The following NRG1 variants were observed in gnomAD, a reference collection of about 807,000 sequenced individuals.
The protein encoded by NRG1 is neuregulin 1.
NRG1 carries 18 observed loss-of-function variants against 63.8 expected under a neutral mutation model. The observed-to-expected ratio is 0.28, with a 90% CI of 0.19 to 0.42. NRG1 has a LOEUF of 0.42. Ranked by LOEUF, NRG1 falls within the 10% of genes least tolerant of loss-of-function variation. The probability of loss-of-function intolerance (pLI) is 1.00; values close to 1 mark genes in which losing one functional copy is unlikely to be tolerated. For missense variants in NRG1, 762 were observed against 814.7 expected (o/e 0.94, Z 0.79); for synonymous variants, 302 against 301.3 (o/e 1.00, Z -0.02).
At chr8:32,641,733 A>G (rs1235490459) in intron 5 of NRG1, among the ~76,000 whole-genome samples, 1 of 152,208 alleles carries the variant, frequency 6.6e-6, no homozygotes, top group African/African-American at 2.4e-5. Context: ...AGCATCTCAC[A>G]AAGTAATGCT....
intron 1 of NRG1, among the ~76,000 whole-genome samples, chr8:32,242,999 G>A (rs1027518823): frequency 2.6e-5 from 4 of 152,084 alleles, no homozygotes; most frequent in Admixed American, 1.3e-4. Context: ...CCTTCTGAGG[G>A]CTGCAAGGGA....
chr8:32,039,165 G>C lies in NRG1; in HGVS notation c.37+399734G>C, dbSNP rs867725798. On this transcript the variant is annotated intron_variant, in intron 1 of 10. Transcript: ENST00000519301. Reference sequence around the variant, plus strand: ...CTAAGTCTCAGTATTTTTATTTGTAGAATTGTGTTAATAATAATCCACAGG... The same window carrying C: ...CTAAGTCTCAGTATTTTTATTTGTACAATTGTGTTAATAATAATCCACAGG... 3.9e-5 allele frequency among the ~76,000 whole-genome samples: 6 copies of C among 152,200 alleles called. No individual in the cohort carries two copies. The Middle Eastern group carries it at 0.02, about 518-fold the overall frequency.
chr8:31,879,794 G>C (rs955473817), intron 1 of NRG1, among the ~76,000 whole-genome samples: 11 of 152,026 alleles, frequency 7.2e-5, no homozygotes, highest in Non-Finnish European at 1.3e-4. Flanking sequence ...CCTCTTATAA[G>C]TAAGAACATG....
chr8:32,347,131 G>A (rs1306762373), intron 1 of NRG1, among the ~76,000 whole-genome samples: 1 of 152,044 alleles, frequency 6.6e-6, no homozygotes, highest in Admixed American at 6.6e-5. Context: ...GCCCGGCCAA[G>A]CATTTATCTT....
intron 1 of NRG1, among the ~76,000 whole-genome samples, chr8:31,784,821 T>C (rs905139376): frequency 2.6e-5 from 4 of 152,164 alleles, no homozygotes; most frequent in Non-Finnish European, 5.9e-5. Context: ...TTTTCTGGCT[T>C]TAAAAATTGG....
chr8:32,036,339 T>G (rs1409533947), intron 1 of NRG1, among the ~76,000 whole-genome samples: 1 of 152,034 alleles, frequency 6.6e-6, no homozygotes, highest in Non-Finnish European at 1.5e-5. Context: ...TGACCTGGCC[T>G]TTTTCTCTGG....
intron 6 of NRG1, among the ~76,000 whole-genome samples, chr8:32,733,635 A>T (rs1824296976): frequency 6.6e-6 from 1 of 152,186 alleles, no homozygotes; most frequent in South Asian, 2.1e-4. Context: ...ACATTTGTTT[A>T]TAGAACAGCT....
chr8:32,012,581 CA>C (rs1197789227), intron 1 of NRG1, among the ~76,000 whole-genome samples: 1 of 151,864 alleles, frequency 6.6e-6, no homozygotes, highest in Non-Finnish European at 1.5e-5. Context: ...TGGAAATAAG[CA>C]AAAGTAGAGA....
chr8:32,244,143 T>C (rs1848394671), intron 1 of NRG1, among the ~76,000 whole-genome samples: 1 of 152,194 alleles, frequency 6.6e-6, no homozygotes, highest in South Asian at 2.1e-4. Context: ...AGACATGTTG[T>C]TTTTTTCTTC....
At chr8:31,717,589 G>C (rs925905005) in intron 1 of NRG1, among the ~76,000 whole-genome samples, 1 of 151,832 alleles carries the variant, frequency 6.6e-6, no homozygotes, top group Non-Finnish European at 1.5e-5. Flanking sequence ...GTGTTTCTTG[G>C]GCATACTCAC....
At chr8:32,142,956 GA>G (rs1396476073) in intron 1 of NRG1, among the ~76,000 whole-genome samples, 1 of 152,196 alleles carries the variant, frequency 6.6e-6, no homozygotes, top group Non-Finnish European at 1.5e-5. Flanking sequence ...TACACTTTAA[GA>G]AAGGTCTTAG....
At chr8:32,291,911 T>C (rs1854248640) in intron 1 of NRG1, among the ~76,000 whole-genome samples, 1 of 152,216 alleles carries the variant, frequency 6.6e-6, no homozygotes, top group South Asian at 2.1e-4. Flanking sequence ...ATGTTCATTG[T>C]TGCTAAAGGC....
intron 1 of NRG1, among the ~76,000 whole-genome samples, chr8:32,319,113 A>G (rs951606380): frequency 1.3e-5 from 2 of 152,118 alleles, no homozygotes; most frequent in East Asian, 3.9e-4. Context: ...CCTGAGGAAC[A>G]CCTTCAGATT....
chr8:32,340,125 T>C (rs1308246122), intron 1 of NRG1, among the ~76,000 whole-genome samples: 1 of 152,208 alleles, frequency 6.6e-6, no homozygotes, highest in Non-Finnish European at 1.5e-5. Flanking sequence ...CTGCACAATG[T>C]CAAGAGATTA....
At chr8:32,269,591 A>C (rs934890137) in intron 1 of NRG1, among the ~76,000 whole-genome samples, 3 of 152,118 alleles carry the variant, frequency 2.0e-5, no homozygotes, top group African/African-American at 7.2e-5. Flanking sequence ...AAATTCCAGA[A>C]TTCTATGACC....
chr8:32,218,540 G>C (rs2132458164), intron 1 of NRG1, among the ~76,000 whole-genome samples: 1 of 152,274 alleles, frequency 6.6e-6, no homozygotes, highest in East Asian at 1.9e-4. Flanking sequence ...AGATTGCTTA[G>C]TCTGGAGAAG....
At chr8:32,566,120 A>G (rs112811550) in intron 1 of NRG1, among the ~76,000 whole-genome samples, 33,306 of 151,766 alleles carry the variant, frequency 0.22, 4,342 homozygotes, top group Admixed American at 0.35. Context: ...TTGGGAGGCC[A>G]AGGAGACGGG....
intron 1 of NRG1, among the ~76,000 whole-genome samples, chr8:32,407,833 G>A (rs970999905): frequency 3.3e-5 from 5 of 152,184 alleles, no homozygotes; most frequent in African/African-American, 1.2e-4. Context: ...AAATATGCCT[G>A]TAGCTCCAAA....
intron 1 of NRG1, among the ~76,000 whole-genome samples, chr8:32,267,581 T>C (rs1851110385): frequency 1.3e-5 from 2 of 152,214 alleles, no homozygotes. Flanking sequence ...AATGAAGGTA[T>C]ACTGCAGATT....
Sources: allele counts gnomAD v4.1 joint callset (sites outside exome capture counted in the v4.1 genomes callset), GRCh38; gene constraint gnomAD v4.1.1; transcripts MANE v1.5; gene names NCBI Gene and HGNC (gene_info 2026-07-23, HGNC 2026-07-21).